Variants in VPS13B observed in about 807,000 individuals in gnomAD.
VPS13B encodes the protein vacuolar protein sorting 13 homolog B, also known as intermembrane lipid transfer protein VPS13B.
Under a neutral mutation model 426.4 loss-of-function variants are expected in VPS13B, and 285 were observed. That is an observed-to-expected ratio of 0.67 (90% CI 0.61 to 0.74). The LOEUF (loss-of-function observed/expected upper bound fraction) is 0.74, where lower values mean the gene tolerates loss of function less well. Among genes scored for constraint, VPS13B ranks in the 30% least tolerant of loss-of-function variants. The pLI is 0.00. For missense variants in VPS13B, 4,537 were observed against 4,782.6 expected (o/e 0.95, Z 1.51); for synonymous variants, 1,676 against 1,676.4 (o/e 1.00, Z 0.01).
chr8:99,612,866 C>A (rs1827903890), intron 33 of VPS13B, among the ~76,000 whole-genome samples: 1 of 152,172 alleles, frequency 6.6e-6, no homozygotes, highest in African/African-American at 2.4e-5. Flanking sequence ...CTCTGACCCC[C>A]CTCCCTATTT....
intron 22 of VPS13B, among the ~76,000 whole-genome samples, chr8:99,440,901 C>A (rs1489571690): frequency 6.6e-6 from 1 of 151,916 alleles, no homozygotes; most frequent in Non-Finnish European, 1.5e-5. Flanking sequence ...CATATTTTGA[C>A]CTTTTAACCT....
chr8:99,490,791 T>C (rs1314992646), intron 25 of VPS13B, among the ~76,000 whole-genome samples: 1 of 152,202 alleles, frequency 6.6e-6, no homozygotes, highest in Non-Finnish European at 1.5e-5. Flanking sequence ...TTCTTCTCTC[T>C]TTTCTTCTTT....
chr8:99,294,851 G>A (rs1466015470), intron 19 of VPS13B, among the ~76,000 whole-genome samples: 5 of 152,116 alleles, frequency 3.3e-5, no homozygotes, highest in African/African-American at 1.2e-4. Context: ...TATTATTATT[G>A]CTGTTCTCAC....
At chr8:99,143,219 T>C in intron 13 of VPS13B, 54 bp downstream of exon 13, 1 of 1,607,332 alleles carries the variant, frequency 6.2e-7, no homozygotes, top group Non-Finnish European at 8.5e-7. Context: ...AGAATAATTA[T>C]ATAATCCAAT....
chr8:99,378,530 C>T (rs894523963), intron 19 of VPS13B, among the ~76,000 whole-genome samples: 1 of 152,040 alleles, frequency 6.6e-6, no homozygotes, highest in Non-Finnish European at 1.5e-5. Flanking sequence ...GAAATCTTCA[C>T]AATTTATGTT....
chr8:99,340,502 A>G (rs1458773461), intron 19 of VPS13B: 2 of 482,480 alleles, frequency 4.1e-6, no homozygotes, highest in Non-Finnish European at 8.3e-6. Flanking sequence ...ACCAAAAGTC[A>G]CAGCAAATGT....
rs1817379672 is a variant in VPS13B at position 99,871,008 on chromosome 8, T to C, written c.11495+121T>C. 10 of 996,472 alleles carry C rather than the reference T, an allele frequency of 1.0e-5. 1 individual carries two copies. In the South Asian group the frequency reaches 1.2e-4, roughly 12 times the overall value. 61.7% of individuals were successfully genotyped at this position (996,472 alleles called of 1,614,324 possible). ...GCCCAGGAGTAGCCATTGTTGGCAC[T>C]GGCATCTCAGGCAGCACAAGAGCAC... On this transcript the variant is annotated intron_variant, in intron 60 of 61. Transcript: ENST00000357162.
At chr8:99,424,434 C>G (rs1816570217) in intron 21 of VPS13B, 1 of 152,178 alleles carries the variant, frequency 6.6e-6, no homozygotes, top group African/African-American at 2.4e-5. Flanking sequence ...TACATGGAAA[C>G]TGAACAACCT....
At chr8:99,414,767 C>T (rs772593281) in intron 21 of VPS13B, among the ~76,000 whole-genome samples, 6 of 152,118 alleles carry the variant, frequency 3.9e-5, no homozygotes, top group South Asian at 2.1e-4. Context: ...CTGGCTTGTA[C>T]GGTTTCTGCC....
rs1038397378 is a variant in VPS13B, at chr8:99,275,136, A to G, written c.2706A>G (p.Lys902=). The G allele has an allele frequency of 6.2e-7, 1 of 1,612,492 alleles. No individual in the cohort carries two copies. Among genetic ancestry groups the G allele is most frequent in the Non-Finnish European group, 8.5e-7 (1 of 1,179,184 alleles). ...IPLLQGPSDT[K]DLHSTKWLNE... ...TGCTTCAGGGTCCTTCTGACACTAA[A>G]GACCTTCATAGCACCAAGTGGCTCA... Residue 902 remains lysine, a synonymous_variant, in exon 19 of 62, where the codon AAA becomes AAG. Coordinates refer to ENST00000357162, the MANE Select transcript of VPS13B (RefSeq NM_152564.5).
chr8:99,074,308 A>G lies in VPS13B; in HGVS notation c.292-22004A>G, dbSNP rs116333333. On this transcript the variant is annotated intron_variant, in intron 3 of 61. Transcript: ENST00000357162. Reference sequence around the variant, plus strand: ...CAAATGCATTTTTAGCACCAATTAGATGATCATATGGTTTTTGTCTTGATT... The same window carrying G: ...CAAATGCATTTTTAGCACCAATTAGGTGATCATATGGTTTTTGTCTTGATT... Among the ~76,000 whole-genome samples, 837 of 152,128 alleles carry G rather than the reference A, an allele frequency of 5.5e-3. 9 individuals carry two copies. Among genetic ancestry groups the G allele is most frequent in the African/African-American group, 0.019 (806 of 41,502 alleles).
Position 99,442,528 on chromosome 8 carries a change from C to T in VPS13B, c.3338C>T (p.Thr1113Ile). ...WYHGQTSMPG[T>I]LVLCLPQIKI... ...CATGGACAAACCAGCATGCCGGGAA[C>T]ACTTGTCCTCTGTTTGCCTCAAATA... The change falls in exon 23 of 62, where the codon ACA (threonine) becomes ATA (isoleucine). Residue 1113 changes from threonine (T) to isoleucine (I), a missense_variant. Physicochemically the swap from Thr to Ile is moderately conservative, Grantham distance 89. Transcript: ENST00000357162. The T allele has an allele frequency of 6.2e-7, 1 of 1,613,970 alleles. No homozygotes were observed. Among genetic ancestry groups the T allele is most frequent in the Non-Finnish European group, 8.5e-7 (1 of 1,179,920 alleles).
intron 24 of VPS13B, among the ~76,000 whole-genome samples, chr8:99,480,725 A>T (rs564466006): frequency 1.8e-4 from 27 of 152,308 alleles, no homozygotes; most frequent in African/African-American, 5.8e-4. Flanking sequence ...GAGGATTGAC[A>T]ATAGTGTTTT....
chr8:99,545,625 G>T (rs755503121), intron 30 of VPS13B, among the ~76,000 whole-genome samples: 1 of 152,106 alleles, frequency 6.6e-6, no homozygotes, highest in Non-Finnish European at 1.5e-5. Flanking sequence ...TCACGAAATT[G>T]TGTCAGATTT....
intron 21 of VPS13B, among the ~76,000 whole-genome samples, chr8:99,425,238 C>G (rs552879174): frequency 6.6e-6 from 1 of 152,096 alleles, no homozygotes; most frequent in East Asian, 1.9e-4. Flanking sequence ...ATCCTGATAC[C>G]AAAGCCTGGC....
At chr8:99,351,263 A>C (rs1811862227) in intron 19 of VPS13B, among the ~76,000 whole-genome samples, 1 of 152,096 alleles carries the variant, frequency 6.6e-6, no homozygotes. Context: ...AATCCCTTTC[A>C]TGTATCTATC....
chr8:99,557,607 G>A (rs1467918910), intron 31 of VPS13B, among the ~76,000 whole-genome samples: 2 of 152,084 alleles, frequency 1.3e-5, no homozygotes, highest in Non-Finnish European at 2.9e-5. Flanking sequence ...ATTAACATGT[G>A]TGTGCATGTG....
chr8:99,020,453 AGTGTCCT>A (rs1841829258), intron 2 of VPS13B, among the ~76,000 whole-genome samples: 1 of 152,170 alleles, frequency 6.6e-6, no homozygotes, highest in Admixed American at 6.5e-5. Context: ...ACTCTATAAT[AGTGTCCT>A]TTGATGCACC....
intron 30 of VPS13B, among the ~76,000 whole-genome samples, chr8:99,523,769 G>A (rs559424274): frequency 6.6e-6 from 1 of 152,194 alleles, no homozygotes; most frequent in South Asian, 2.1e-4. Flanking sequence ...CTAGAAAAAT[G>A]GGTACAAACA....
Sources: gnomAD v4.1 joint callset for allele counts (sites outside exome capture counted in the v4.1 genomes callset) on GRCh38, gnomAD v4.1.1 for gene constraint, MANE v1.5 for transcripts, NCBI Gene and HGNC (gene_info 2026-07-23, HGNC 2026-07-21) for gene names.